The following KIF1A variants were observed in gnomAD, a reference collection of about 807,000 sequenced individuals.
The protein encoded by KIF1A is kinesin-like protein KIF1A.
In KIF1A, 46 loss-of-function variants were observed where a neutral mutation model predicts 227.3. The ratio of observed to expected loss-of-function variants is 0.20; its 90% CI spans 0.16 to 0.26. The LOEUF is 0.26. KIF1A is among the 10% of genes least tolerant of loss of function. KIF1A has a pLI of 1.00. For synonymous variants in KIF1A, 1,022 were observed against 1,012.8 expected (o/e 1.01, Z -0.17); for missense variants, 1,683 against 2,485.9 (o/e 0.68, Z 6.87).
intron 16 of KIF1A, 26 bp downstream of exon 16, chr2:240,769,600 CT>C (rs764491531): frequency 3.8e-5 from 61 of 1,600,990 alleles, no homozygotes; most frequent in African/African-American, 9.4e-5. Flanking sequence ...ACCCCTCCCC[CT>C]GGGCCTCAGT....
rs542218152 is a variant in KIF1A, at chr2:240,719,355, C to T, written c.5022-157G>A. 3.7e-4 allele frequency among the ~76,000 whole-genome samples: 56 copies of T among 152,314 alleles called. 1 individual carries two copies. The South Asian group carries it at 0.011, about 30-fold the overall frequency. ...CATCGAAGGGCACCTGGCAGAACCC[C>T]AACCCAGCAGGCCGGAGACCAGACC... On this transcript the variant is annotated intron_variant, in intron 46 of 48. Coordinates refer to ENST00000498729, the MANE Select transcript of KIF1A (RefSeq NM_001244008.2).
In KIF1A at chr2:240,793,626, C is replaced by A. The variant is rs933329304; in HGVS notation, c.106+4021G>T. ...CCAACCTACACTAGCTCTGCCAGGTCGGACCGAAGTGCACCTAATGGACAG... is the reference window on the plus strand; with the variant it reads ...CCAACCTACACTAGCTCTGCCAGGTAGGACCGAAGTGCACCTAATGGACAG... On this transcript the variant is annotated intron_variant, in intron 2 of 48. Coordinates refer to ENST00000498729, the MANE Select transcript of KIF1A (RefSeq NM_001244008.2). This position sits in a 1 kb window ranked among gnomAD's most constrained non-coding sequence, Gnocchi z 4.8. 6.6e-6 allele frequency among the ~76,000 whole-genome samples: 1 copy of A among 152,210 alleles called. No individual in the cohort carries two copies. The highest frequency in any genetic ancestry group is 1.5e-5 in the Non-Finnish European group (1 of 68,038).
intron 17 of KIF1A, among the ~76,000 whole-genome samples, chr2:240,767,940 G>C (rs2051415164): frequency 6.6e-6 from 1 of 152,212 alleles, no homozygotes; most frequent in African/African-American, 2.4e-5. Flanking sequence ...CCCCCATGCA[G>C]AGAGGTGGAG....
intron 45 of KIF1A, chr2:240,720,183 C>A (rs1446136471): frequency 5.1e-6 from 2 of 393,266 alleles, no homozygotes; most frequent in Non-Finnish European, 9.1e-6. Flanking sequence ...GGAGCCTGTG[C>A]CCCACTCCAC....
intron 16 of KIF1A, 99 bp downstream of exon 16, chr2:240,769,528 G>T: frequency 1.0e-6 from 1 of 979,754 alleles, no homozygotes; most frequent in Non-Finnish European, 1.5e-6. Context: ...TGGTGCAGGT[G>T]CCCAGCACTG....
At chr2:240,798,158 A>G (rs1000705997) in intron 1 of KIF1A, 2 of 185,636 alleles carry the variant, frequency 1.1e-5, no homozygotes, top group Non-Finnish European at 2.3e-5. Flanking sequence ...GGTGGGCTCC[A>G]TGCCAGGTCC....
intron 27 of KIF1A, among the ~76,000 whole-genome samples, chr2:240,753,087 T>C (rs530945146): frequency 6.6e-6 from 1 of 152,322 alleles, no homozygotes; most frequent in Admixed American, 6.5e-5. Context: ...GTGCCACTCA[T>C]GGCACCACAA....
rs963207211 is a variant in KIF1A at position 240,793,139 on chromosome 2, C to A, written c.107-3827G>T. 1.3e-5 allele frequency among the ~76,000 whole-genome samples: 2 copies of A among 152,196 alleles called. No individual in the cohort carries two copies. The highest frequency in any genetic ancestry group is 4.8e-5 in the African/African-American group (2 of 41,446). The stretch of plus-strand genomic sequence containing the variant: ...CCGTGCAGAGGGGCTTGCCCAGGTC[C>A]CCGACTGCTCGGGATTGGGGGAGCC... On this transcript the variant is annotated intron_variant, in intron 2 of 48. Transcript: ENST00000498729. The surrounding 1 kb of genome is among the most constrained non-coding windows in gnomAD (Gnocchi z 4.8).
At chr2:240,777,972 C>T (rs996272918) in intron 10 of KIF1A, among the ~76,000 whole-genome samples, 3 of 152,206 alleles carry the variant, frequency 2.0e-5, no homozygotes, top group African/African-American at 7.2e-5. Context: ...CCCGCACGCT[C>T]AAGCACTCAG....
chr2:240,813,835 C>G (rs2126252286), intron 1 of KIF1A, among the ~76,000 whole-genome samples: 3 of 152,310 alleles, frequency 2.0e-5, no homozygotes, highest in Admixed American at 2.0e-4. Context: ...CAGCAGAAAA[C>G]AGGCCCTGCG....
chr2:240,773,675 A>C (rs1055793338), intron 12 of KIF1A, among the ~76,000 whole-genome samples: 1 of 152,188 alleles, frequency 6.6e-6, no homozygotes, highest in African/African-American at 2.4e-5. Flanking sequence ...TCCAGCTAGT[A>C]CATGAACCTC....
rs4998257 is a variant in KIF1A, at chr2:240,786,796, G to A, written c.430-283C>T. Reference sequence around the variant, plus strand: ...CATCAGGACCCCTGAGTGAGGGGGTGGGGGCTGCCATCAGGACCCCTGAGT... The same window carrying A: ...CATCAGGACCCCTGAGTGAGGGGGTAGGGGCTGCCATCAGGACCCCTGAGT... On this transcript the variant is annotated intron_variant, in intron 5 of 48. Coordinates refer to ENST00000498729, the MANE Select transcript of KIF1A (RefSeq NM_001244008.2). 0.12 allele frequency among the ~76,000 whole-genome samples: 6,571 copies of A among 55,738 alleles called. 270 individuals carry two copies. The highest frequency in any genetic ancestry group is 0.15 in the African/African-American group (2,064 of 13,664). 36.6% of individuals were successfully genotyped at this position (55,738 alleles called of 152,430 possible). A position where few individuals can be genotyped will look rare whatever the true frequency, so the allele number is the denominator to read the frequency against.
At position 240,787,326 on chromosome 2, in the gene KIF1A, TG is replaced by T. The variant is rs771993509; in HGVS notation, c.364-11del. The T allele has an allele frequency of 6.8e-6, 11 of 1,612,270 alleles. No individual in the cohort carries two copies. In the East Asian group the frequency reaches 8.9e-5, roughly 13 times the overall value. On this transcript the variant is annotated splice_polypyrimidine_tract_variant and intron_variant, in intron 4 of 48. Transcript: ENST00000498729. ...AGAGGTCCTCGCAGAGCTGCAGGAA[TG>T]GGGGGACAGTCAGCCAGGGAGGGCT...
chr2:240,730,259 G>T (rs1224570916), intron 38 of KIF1A, among the ~76,000 whole-genome samples: 6 of 152,238 alleles, frequency 3.9e-5, no homozygotes, highest in Non-Finnish European at 5.9e-5. Context: ...TTGCCAGTTG[G>T]GGCCCACCGG....
rs971537128 is a variant in KIF1A at position 240,726,337 on chromosome 2, G to A, written c.4122+489C>T. ...CATTAAAAGCACATGGAGGATGGGT[G>A]CGGTGGCTCACACCTGTAATCCCAG... On this transcript the variant is annotated intron_variant, in intron 39 of 48. Transcript: ENST00000498729. The surrounding 1 kb of genome is among the most constrained non-coding windows in gnomAD (Gnocchi z 5.2). Among the ~76,000 whole-genome samples the A allele has an allele frequency of 6.6e-6, 1 of 152,230 alleles. No individual in the cohort carries two copies. Among genetic ancestry groups the A allele is most frequent in the African/African-American group, 2.4e-5 (1 of 41,464 alleles).
rs2047321994 is a variant in KIF1A, at chr2:240,736,355, C to T, written c.4007+708G>A. On this transcript the variant is annotated intron_variant, in intron 38 of 48. Transcript: ENST00000498729. This position sits in a 1 kb window ranked among gnomAD's most constrained non-coding sequence, Gnocchi z 4.7. The stretch of plus-strand genomic sequence containing the variant: ...AGCCCCCGCCTCACTTTCCCCAAGC[C>T]CCTGGAAGGCAGCGTCTGGGACGCA... Among the ~76,000 whole-genome samples, 2 of 152,132 alleles carry T rather than the reference C, an allele frequency of 1.3e-5. No individual in the cohort carries two copies. Among genetic ancestry groups the T allele is most frequent in the South Asian group, 2.1e-4 (1 of 4,834 alleles).
rs2045639682 is a variant in KIF1A at position 240,723,442 on chromosome 2, C to T, written c.4435G>A (p.Glu1479Lys). The T allele has an allele frequency of 1.3e-6, 2 of 1,551,934 alleles. No individual in the cohort carries two copies. The highest frequency in any genetic ancestry group is 1.7e-6 in the Non-Finnish European group (2 of 1,147,840). ...SDSLILDHQW[E>K]LEKLSLLQEV... The stretch of plus-strand genomic sequence containing the variant: ...TGCAGGAGGCTCAGCTTCTCCAGCT[C>T]CCACTGGTGGTCCAGAATGAGACTG... The change falls in exon 42 of 49, where the codon GAG (glutamate) becomes AAG (lysine). Residue 1479 changes from glutamate (E) to lysine (K), a missense_variant. Physicochemically the swap from Glu to Lys is moderately conservative, Grantham distance 56. Coordinates refer to ENST00000498729, the MANE Select transcript of KIF1A (RefSeq NM_001244008.2).
At position 240,758,691 on chromosome 2, in the gene KIF1A, G is replaced by A. The variant is rs149413435; in HGVS notation, c.2445-194C>T. Among the ~76,000 whole-genome samples, 26 of 152,262 alleles carry A rather than the reference G, an allele frequency of 1.7e-4. No homozygotes were observed. Among genetic ancestry groups the A allele is most frequent in the Non-Finnish European group, 3.2e-4 (22 of 68,012 alleles). ...TTAGAGCTGGTCAGTCACAAGTAACGTACTCAGCTAAGCACGCAAGGTCAC... is the reference window on the plus strand; with the variant it reads ...TTAGAGCTGGTCAGTCACAAGTAACATACTCAGCTAAGCACGCAAGGTCAC... On this transcript the variant is annotated intron_variant, in intron 25 of 48. Transcript: ENST00000498729. This position sits in a 1 kb window ranked among gnomAD's most constrained non-coding sequence, Gnocchi z 5.2.
At chr2:240,782,976 CA>C in intron 9 of KIF1A, 67 bp downstream of exon 9, 1 of 1,282,324 alleles carries the variant, frequency 7.8e-7, no homozygotes, top group Non-Finnish European at 1.1e-6. Context: ...ACGAGGGTGA[CA>C]GGGGCAGGAT....
Sources: gnomAD v4.1 joint callset for allele counts (sites outside exome capture counted in the v4.1 genomes callset) on GRCh38, gnomAD v4.1.1 for gene constraint, Gnocchi (gnomAD v3.1) non-coding constraint, MANE v1.5 for transcripts, NCBI Gene and HGNC (gene_info 2026-07-23, HGNC 2026-07-21) for gene names.